Variants in RREB1 observed in about 807,000 individuals in gnomAD.
RREB1 encodes the protein ras-responsive element-binding protein 1.
In RREB1, 27 loss-of-function variants were observed where a neutral mutation model predicts 117.8. The ratio of observed to expected loss-of-function variants is 0.23; its 90% CI spans 0.17 to 0.32. The LOEUF (loss-of-function observed/expected upper bound fraction) is 0.32. Ranked by LOEUF, RREB1 falls within the 10% of genes least tolerant of loss-of-function variation. The pLI is 1.00. For synonymous variants in RREB1, 1,298 were observed against 1,026.7 expected, an observed-to-expected ratio of 1.26 and a Z score of -5.05; for missense variants, 2,577 against 2,378.2, an observed-to-expected ratio of 1.08 and a Z score of -1.74.
rs1202696279 is a variant in RREB1 at position 7,231,830 on chromosome 6, A to G, written c.3731A>G (p.Gln1244Arg). 2 of 1,613,642 alleles carry G rather than the reference A, an allele frequency of 1.2e-6. No individual in the cohort carries two copies. The highest frequency in any genetic ancestry group is 1.3e-5 in the African/African-American group (1 of 74,950). ...AKRNSYTNCL[Q>R]KITCPHCPRV... ...CGGAACTCGTACACCAACTGCCTGC[A>G]GAAGATCACCTGTCCCCACTGTCCC... The change falls in exon 10 of 13, where the codon CAG (glutamine) becomes CGG (arginine). Residue 1244 changes from glutamine to arginine, a missense_variant. Gln to Arg is a conservative substitution (Grantham distance 43). Transcript: ENST00000379938.
intron 10 of RREB1, among the ~76,000 whole-genome samples, chr6:7,233,993 G>A (rs562202702): frequency 6.2e-4 from 94 of 152,264 alleles, no homozygotes; most frequent in Non-Finnish European, 1.2e-3. Flanking sequence ...TCCTTCTGCT[G>A]TGGTGGGTCC....
At chr6:7,204,243 C>T (rs76861796) in intron 6 of RREB1, among the ~76,000 whole-genome samples, 1,738 of 152,220 alleles carry the variant, frequency 0.011, 33 homozygotes, top group African/African-American at 0.04. Context: ...TAGAAGGTGC[C>T]TCTGTACTTT....
intron 1 of RREB1, among the ~76,000 whole-genome samples, chr6:7,132,725 A>G (rs1437963058): frequency 6.6e-6 from 1 of 152,066 alleles, no homozygotes; most frequent in East Asian, 1.9e-4. Flanking sequence ...TTTTACAGGT[A>G]TAAAATGGAA....
intron 9 of RREB1, among the ~76,000 whole-genome samples, chr6:7,228,596 CCTT>C (rs1767727581): frequency 6.7e-6 from 1 of 149,554 alleles, no homozygotes; most frequent in Non-Finnish European, 1.5e-5. Flanking sequence ...GACTCAACCT[CCTT>C]AAGCTCAGGT....
intron 1 of RREB1, among the ~76,000 whole-genome samples, chr6:7,126,467 T>C (rs1225123169): frequency 6.7e-6 from 1 of 150,122 alleles, no homozygotes; most frequent in Non-Finnish European, 1.5e-5. Flanking sequence ...TGGGGTTTCA[T>C]CGTATTGGTC....
chr6:7,211,630 T>C lies in RREB1; in HGVS notation c.628T>C (p.Cys210Arg), dbSNP rs1451574056. 19 of 1,613,908 alleles carry C rather than the reference T, an allele frequency of 1.2e-5. No individual in the cohort carries two copies. The highest frequency in any genetic ancestry group is 2.7e-5 in the African/African-American group (2 of 74,934). Residue 210 changes from cysteine to arginine, a missense_variant, in exon 8 of 13, where the codon TGC becomes CGC. Transcript: ENST00000379938. ...LEKKADEVFH[C>R]PVCFKEFVCK... ...GAAGAAAGCTGATGAAGTCTTTCAC[T>C]GCCCAGTATGTTTCAAGGAGTTTGT...
intron 1 of RREB1, among the ~76,000 whole-genome samples, chr6:7,134,555 TA>T (rs1209290372): frequency 6.6e-6 from 1 of 152,246 alleles, no homozygotes; most frequent in Non-Finnish European, 1.5e-5. Context: ...TGATTTTAAT[TA>T]TTTTTTTAGA....
intron 1 of RREB1, among the ~76,000 whole-genome samples, chr6:7,164,092 C>G (rs2113472306): frequency 6.6e-6 from 1 of 152,274 alleles, no homozygotes. Flanking sequence ...CACAGTTCCT[C>G]TGGTCGCCAC....
intron 1 of RREB1, among the ~76,000 whole-genome samples, chr6:7,146,152 G>T (rs1762846946): frequency 6.6e-6 from 1 of 152,036 alleles, no homozygotes; most frequent in African/African-American, 2.4e-5. Flanking sequence ...TTTCCTTCTA[G>T]GCAGAACATG....
rs898848385 is a variant in RREB1 at position 7,250,935 on chromosome 6, G to T, written c.*1967G>T. The T allele has an allele frequency of 2.6e-5, 4 of 152,052 alleles. No individual in the cohort carries two copies. Among genetic ancestry groups the T allele is most frequent in the African/African-American group, 9.7e-5 (4 of 41,396 alleles). The allele number at this position is 152,052 out of a possible 1,614,324, so 9.4% of individuals were successfully genotyped here. Reference sequence around the variant, plus strand: ...AACCAATGATCCCTTGGCCTACTTAGTTAAAACCAGTTCATACATCCCTTA... The same window carrying T: ...AACCAATGATCCCTTGGCCTACTTATTTAAAACCAGTTCATACATCCCTTA... On this transcript the variant is annotated 3_prime_UTR_variant, in exon 13 of 13. Coordinates refer to ENST00000379938, the MANE Select transcript of RREB1 (RefSeq NM_001003699.4).
intron 1 of RREB1, among the ~76,000 whole-genome samples, chr6:7,126,727 TAGG>T (rs1475966669): frequency 6.6e-6 from 1 of 152,240 alleles, no homozygotes; most frequent in African/African-American, 2.4e-5. Flanking sequence ...CAATCTGGAT[TAGG>T]AGGCCAGCAT....
chr6:7,247,578 A>C (rs937155786), intron 12 of RREB1, among the ~76,000 whole-genome samples: 2 of 152,166 alleles, frequency 1.3e-5, no homozygotes, highest in Admixed American at 6.5e-5. Context: ...CATTTGGGCC[A>C]CTTAGTCCTG....
At chr6:7,203,246 A>T (rs1474522051) in intron 6 of RREB1, among the ~76,000 whole-genome samples, 1 of 152,212 alleles carries the variant, frequency 6.6e-6, no homozygotes, top group East Asian at 1.9e-4. Flanking sequence ...GTAGACAGTC[A>T]TTAGCAAGAG....
Position 7,221,363 on chromosome 6 carries a change from G to A in RREB1, c.708-5104G>A, listed in dbSNP as rs539911884. Reference sequence around the variant, plus strand: ...TTTTGTATTTTTTTTTAGTAGAGACGGGGTTTCACCTTGTTAGCCAGGATG... The same window carrying A: ...TTTTGTATTTTTTTTTAGTAGAGACAGGGTTTCACCTTGTTAGCCAGGATG... On this transcript the variant is annotated intron_variant, in intron 8 of 12. Transcript: ENST00000379938. Among the ~76,000 whole-genome samples the A allele has an allele frequency of 4.3e-4, 66 of 151,878 alleles. 2 individuals are homozygous for A. In the South Asian group the frequency reaches 6.9e-3, roughly 16 times the overall value.
rs923418233 is a variant in RREB1, at chr6:7,229,740, G to C, written c.1641G>C (p.Leu547=). Residue 547 remains leucine, a synonymous_variant, in exon 10 of 13, where the codon CTG becomes CTC. Coordinates refer to ENST00000379938, the MANE Select transcript of RREB1 (RefSeq NM_001003699.4). This position sits in a 1 kb window ranked among gnomAD's most constrained non-coding sequence, Gnocchi z 4.5. ...GCCCCAGCCTGCCGCCACCGCCCCT[G>C]AAGCTCCTCAAAGGCTCAGTGGAGG... The part of the protein sequence containing the change: ...CISPSLPPPP[L]KLLKGSVEAA... 2 of 1,601,670 alleles carry C rather than the reference G, an allele frequency of 1.2e-6. No individual in the cohort carries two copies. The highest frequency in any genetic ancestry group is 1.7e-6 in the Non-Finnish European group (2 of 1,171,656).
At chr6:7,114,566 A>G (rs1156841643) in intron 1 of RREB1, among the ~76,000 whole-genome samples, 2 of 152,054 alleles carry the variant, frequency 1.3e-5, no homozygotes, top group African/African-American at 4.8e-5. Context: ...CGACCCCCAT[A>G]CGTCAGCAGA....
chr6:7,191,685 C>T (rs1009183386), intron 6 of RREB1, among the ~76,000 whole-genome samples: 6 of 152,200 alleles, frequency 3.9e-5, no homozygotes, highest in South Asian at 2.1e-4. Context: ...AGTTTTATAT[C>T]GGTTAAATTT....
At chr6:7,122,555 C>T (rs770093227) in intron 1 of RREB1, among the ~76,000 whole-genome samples, 6 of 152,188 alleles carry the variant, frequency 3.9e-5, no homozygotes, top group Admixed American at 6.5e-5. Context: ...CATGAGCCAC[C>T]GCGCCTGGCC....
chr6:7,195,912 G>T (rs973498329), intron 6 of RREB1, among the ~76,000 whole-genome samples: 1 of 152,228 alleles, frequency 6.6e-6, no homozygotes, highest in Non-Finnish European at 1.5e-5. Flanking sequence ...CACAGATTGG[G>T]TGGGCCCTCT....
Sources: gnomAD v4.1 joint callset for allele counts (sites outside exome capture counted in the v4.1 genomes callset) on GRCh38, gnomAD v4.1.1 for gene constraint, Gnocchi (gnomAD v3.1) non-coding constraint, MANE v1.5 for transcripts, NCBI Gene and HGNC (gene_info 2026-07-23, HGNC 2026-07-21) for gene names.